The following BLM variants were observed in gnomAD, a reference collection of about 807,000 sequenced individuals.
The protein encoded by BLM is recQ-like DNA helicase BLM.
In BLM, 95 loss-of-function variants were observed where a neutral mutation model predicts 135.3. The ratio of observed to expected loss-of-function variants is 0.70; its 90% CI spans 0.59 to 0.83. The LOEUF (loss-of-function observed/expected upper bound fraction) is 0.83. Among genes scored for constraint, BLM ranks in the 40% least tolerant of loss-of-function variants. The pLI is 0.00. For synonymous variants in BLM, 520 were observed against 589.2 expected (o/e 0.88, Z 1.70); for missense variants, 1,518 against 1,663.9 (o/e 0.91, Z 1.53).
chr15:90,760,716 A>C lies in BLM; in HGVS notation c.1343A>C (p.Asn448Thr), dbSNP rs1196726372. 1 of 1,614,028 alleles carries C rather than the reference A, an allele frequency of 6.2e-7. No homozygotes were observed. The highest frequency in any genetic ancestry group is 2.2e-5 in the East Asian group (1 of 44,890). Residue 448 changes from asparagine to threonine, a missense_variant, in exon 7 of 22, where the codon AAT (asparagine) becomes ACT (threonine). Asn to Thr is a moderately conservative substitution (Grantham distance 65, BLOSUM62 0). Coordinates refer to ENST00000355112, the MANE Select transcript of BLM (RefSeq NM_000057.4). The stretch of plus-strand genomic sequence containing the variant: ...GAGGGTGATTCCTGCCCTACAGGGA[A>C]TTCTATGAAGGAGTTAAATTTTTCA... ...PMEGDSCPTG[N>T]SMKELNFSHL... is the part of the protein sequence containing the mutation.
chr15:90,736,131 G>T (rs2151136562), intron 1 of BLM, among the ~76,000 whole-genome samples: 1 of 152,296 alleles, frequency 6.6e-6, no homozygotes, highest in African/African-American at 2.4e-5. Context: ...CCATTGGTGA[G>T]GCTGTGAGGA....
chr15:90,747,842 C>G (rs1293821990), intron 2 of BLM, among the ~76,000 whole-genome samples: 2 of 152,210 alleles, frequency 1.3e-5, no homozygotes, highest in African/African-American at 2.4e-5. Context: ...GAGTCTCGCT[C>G]TGTCGCACAG....
At chr15:90,796,450 CACA>C (rs1897029451) in intron 16 of BLM, among the ~76,000 whole-genome samples, 3 of 152,196 alleles carry the variant, frequency 2.0e-5, no homozygotes. Flanking sequence ...TAGTCTCTGT[CACA>C]ACGACTCACA....
At chr15:90,783,160 C>A (rs868606875) in intron 13 of BLM, among the ~76,000 whole-genome samples, 1 of 152,198 alleles carries the variant, frequency 6.6e-6, no homozygotes, top group South Asian at 2.1e-4. Flanking sequence ...CTCCTACACA[C>A]GTATATTATA....
chr15:90,778,373 C>A (rs72751840), intron 12 of BLM, among the ~76,000 whole-genome samples: 3 of 152,042 alleles, frequency 2.0e-5, no homozygotes, highest in African/African-American at 7.2e-5. Flanking sequence ...AGCTTTGTTG[C>A]GGTATAATCC....
chr15:90,769,069 G>A, intron 10 of BLM, 64 bp from the exon 11 acceptor site: 1 of 1,307,972 alleles, frequency 7.6e-7, no homozygotes. Flanking sequence ...GGAATTTGAA[G>A]ACCACAGAAT....
chr15:90,739,091 T>C (rs768196742), intron 1 of BLM, among the ~76,000 whole-genome samples: 1 of 152,142 alleles, frequency 6.6e-6, no homozygotes, highest in Non-Finnish European at 1.5e-5. Flanking sequence ...TTAGATATTA[T>C]TCAGCCTTAA....
intron 14 of BLM, among the ~76,000 whole-genome samples, chr15:90,786,284 G>A (rs62025119): frequency 0.041 from 6,162 of 152,096 alleles, 147 homozygotes; most frequent in Non-Finnish European, 0.053. Context: ...CACCATCCCC[G>A]ATGTGTTTCT....
rs1555425062 is a variant in BLM, at chr15:90,811,216, TC to T, written c.3890del (p.Pro1297GlnfsTer3). ...TTTTCCATTTGTAGCTGAAGACAGT[TC>T]CCCAGGGATAAGCCTGTCCAGCAGC... ...SEWTSPAEDS[S>X]PGISLSSSRG... On this transcript the variant is annotated frameshift_variant, in exon 21 of 22. Coordinates refer to ENST00000355112, the MANE Select transcript of BLM (RefSeq NM_000057.4). LOFTEE classifies it high-confidence loss of function. 6.2e-7 allele frequency: 1 copy of T among 1,613,162 alleles called. No individual in the cohort carries two copies. Among genetic ancestry groups the T allele is most frequent in the Non-Finnish European group, 8.5e-7 (1 of 1,180,032 alleles).
chr15:90,793,041 A>G (rs541903993), intron 15 of BLM, among the ~76,000 whole-genome samples: 1 of 152,146 alleles, frequency 6.6e-6, no homozygotes, highest in African/African-American at 2.4e-5. Context: ...AGGCCCAAAC[A>G]ATTTAATAGA....
intron 12 of BLM, among the ~76,000 whole-genome samples, chr15:90,775,353 C>A (rs1596244546): frequency 2.6e-5 from 4 of 152,028 alleles, no homozygotes; most frequent in African/African-American, 7.2e-5. Context: ...GAGTGGATGA[C>A]CACGATAGCC....
chr15:90,746,645 G>A (rs1405694425), intron 1 of BLM, among the ~76,000 whole-genome samples: 5 of 152,120 alleles, frequency 3.3e-5, no homozygotes, highest in African/African-American at 4.8e-5. Flanking sequence ...AAAAATAGAT[G>A]TCTAGTAAAG....
chr15:90,748,211 T>C (rs893495184), intron 2 of BLM, among the ~76,000 whole-genome samples: 6 of 149,122 alleles, frequency 4.0e-5, no homozygotes, highest in African/African-American at 1.2e-4. Flanking sequence ...CGGGTTCAAG[T>C]GATTCTCCTG....
intron 13 of BLM, among the ~76,000 whole-genome samples, 190 bp downstream of exon 13, chr15:90,783,118 A>G (rs1353666561): frequency 6.6e-6 from 1 of 152,262 alleles, no homozygotes; most frequent in Non-Finnish European, 1.5e-5. Context: ...TTTAATAACA[A>G]TAAATTCTAA....
rs1060503988 is a variant in BLM at position 90,803,512 on chromosome 15, T to C, written c.3359-9T>C. Reference sequence around the variant, plus strand: ...TTTACTCATCTTACTTCCTGTATCTTCTTATCAGGGAGTAAGAGTGCAAAA... The same window carrying C: ...TTTACTCATCTTACTTCCTGTATCTCCTTATCAGGGAGTAAGAGTGCAAAA... On this transcript the variant is annotated splice_polypyrimidine_tract_variant and intron_variant, in intron 17 of 21. Transcript: ENST00000355112. 3.1e-6 allele frequency: 5 copies of C among 1,608,592 alleles called. No individual in the cohort carries two copies. Among genetic ancestry groups the C allele is most frequent in the Non-Finnish European group, 4.3e-6 (5 of 1,175,130 alleles).
In BLM at chr15:90,763,120, A is replaced by C. The variant is rs1555420173; in HGVS notation, c.2037A>C (p.Ala679=). Residue 679 remains alanine, a synonymous_variant, in exon 8 of 22, where the codon GCA becomes GCC. Coordinates refer to ENST00000355112, the MANE Select transcript of BLM (RefSeq NM_000057.4). ...RTNQLEAINA[A]LLGEDCFILM... ...ATCAGCTAGAGGCGATCAATGCTGC[A>C]CTGCTTGGTGAAGACTGTTTTATCC... is the stretch of plus-strand genomic sequence containing the variant. The C allele has an allele frequency of 1.2e-6, 2 of 1,614,102 alleles. No individual in the cohort carries two copies. Among genetic ancestry groups the C allele is most frequent in the East Asian group, 2.2e-5 (1 of 44,874 alleles).
intron 5 of BLM, among the ~76,000 whole-genome samples, chr15:90,758,106 C>T (rs1895868053): frequency 6.6e-6 from 1 of 151,982 alleles, no homozygotes; most frequent in Admixed American, 6.5e-5. Context: ...TGTCAAACTC[C>T]TGATCTCAGG....
intron 17 of BLM, among the ~76,000 whole-genome samples, chr15:90,799,395 G>C (rs1897111299): frequency 6.6e-6 from 1 of 151,898 alleles, no homozygotes; most frequent in African/African-American, 2.4e-5. Context: ...TAAATTTAGT[G>C]GAGAGGTTGG....
At chr15:90,783,543 T>C (rs937997375) in intron 13 of BLM, among the ~76,000 whole-genome samples, 10 of 152,162 alleles carry the variant, frequency 6.6e-5, no homozygotes, top group African/African-American at 2.4e-4. Context: ...TCCTTTAATA[T>C]CTTTTAATTT....
Sources: allele counts gnomAD v4.1 joint callset (sites outside exome capture counted in the v4.1 genomes callset), GRCh38; gene constraint gnomAD v4.1.1; transcripts MANE v1.5; gene names NCBI Gene and HGNC (gene_info 2026-07-23, HGNC 2026-07-21).